Variants in CTNNA3 observed in about 807,000 individuals in gnomAD.
CTNNA3 encodes the protein catenin alpha-3.
CTNNA3 carries 76 observed loss-of-function variants against 95.7 expected under a neutral mutation model. The ratio of observed to expected loss-of-function variants is 0.79; its 90% CI spans 0.66 to 0.96. CTNNA3 has a LOEUF of 0.96. Among genes scored for constraint, CTNNA3 ranks in the 40% least tolerant of loss-of-function variants. The probability of loss-of-function intolerance (pLI) is 0.00; values close to 1 mark genes in which losing one functional copy is unlikely to be tolerated. For missense variants in CTNNA3, 1,191 were observed against 1,089.8 expected, an observed-to-expected ratio of 1.09 and a Z score of -1.31; for synonymous variants, 431 against 374.4, an observed-to-expected ratio of 1.15 and a Z score of -1.74.
In CTNNA3 at chr10:66,875,688, A is replaced by G. The variant is rs1184322678; in HGVS notation, c.1048-100164T>C. Among the ~76,000 whole-genome samples the G allele has an allele frequency of 7.2e-5, 11 of 152,306 alleles. No homozygotes were observed. The East Asian group carries it at 1.2e-3, about 16-fold the overall frequency. ...CTAATCCAATCTCACAGAGCAAAAC[A>G]TTTAAATGTCATTTGAGATATTATT... On this transcript the variant is annotated intron_variant, in intron 7 of 17. Coordinates refer to ENST00000433211, the MANE Select transcript of CTNNA3 (RefSeq NM_013266.4).
At chr10:67,030,823 G>A (rs896286952) in intron 7 of CTNNA3, among the ~76,000 whole-genome samples, 5 of 152,080 alleles carry the variant, frequency 3.3e-5, no homozygotes, top group African/African-American at 9.7e-5. Context: ...TACCAACATG[G>A]TGAAACCCCG....
chr10:66,018,871 T>G lies in CTNNA3; in HGVS notation c.2160-30074A>C, dbSNP rs142657529. On this transcript the variant is annotated intron_variant, in intron 15 of 17. Coordinates refer to ENST00000433211, the MANE Select transcript of CTNNA3 (RefSeq NM_013266.4). Reference sequence around the variant, plus strand: ...TCTTTGAAGGAAAAAAAATAGGAAGTGATAGATGATCAATCACATTCACGT... The same window carrying G: ...TCTTTGAAGGAAAAAAAATAGGAAGGGATAGATGATCAATCACATTCACGT... Among the ~76,000 whole-genome samples, 12 of 152,026 alleles carry G rather than the reference T, an allele frequency of 7.9e-5. No homozygotes were observed. The East Asian group carries it at 2.1e-3, about 27-fold the overall frequency.
At position 67,071,514 on chromosome 10, in the gene CTNNA3, T is replaced by C. The variant is rs61866246; in HGVS notation, c.1047+108803A>G. Among the ~76,000 whole-genome samples, 726 of 149,628 alleles carry C rather than the reference T, an allele frequency of 4.9e-3. 4 individuals are homozygous for C. The highest frequency in any genetic ancestry group is 0.017 in the African/African-American group (674 of 40,612). ...TAGAGCTCTTTAAAGTTTTTTTTGT[T>C]TGTTTGTTTCTTTGACTTCATTTAA... On this transcript the variant is annotated intron_variant, in intron 7 of 17. Transcript: ENST00000433211.
chr10:67,371,754 T>C (rs1436646756), intron 5 of CTNNA3, among the ~76,000 whole-genome samples: 1 of 152,200 alleles, frequency 6.6e-6, no homozygotes, highest in East Asian at 1.9e-4. Flanking sequence ...AGTAATGGGA[T>C]GGCTGGGTCA....
chr10:67,481,862 T>C (rs1288189396), intron 5 of CTNNA3, among the ~76,000 whole-genome samples: 2 of 152,124 alleles, frequency 1.3e-5, no homozygotes, highest in Admixed American at 6.5e-5. Flanking sequence ...GGTTTTCTTC[T>C]AGGGTTTTTA....
intron 13 of CTNNA3, among the ~76,000 whole-genome samples, chr10:66,141,265 T>TAAAA (rs60266091): frequency 7.4e-6 from 1 of 135,722 alleles, no homozygotes. Context: ...TGTCTCAGAT[T>TAAAA]AAAAAAAAAA....
At chr10:66,520,472 G>A (rs902888125) in intron 11 of CTNNA3, 145 bp downstream of exon 11, 8 of 594,058 alleles carry the variant, frequency 1.3e-5, no homozygotes, top group African/African-American at 9.8e-5. Flanking sequence ...GGCTGGTATC[G>A]AATCCCTGAC....
intron 2 of CTNNA3, among the ~76,000 whole-genome samples, chr10:67,619,857 A>C (rs994341093): frequency 1.3e-5 from 2 of 152,188 alleles, no homozygotes; most frequent in African/African-American, 4.8e-5. Flanking sequence ...GGGTAGCTAC[A>C]GTGTAATCTT....
chr10:65,920,693 G>A (rs2077072832), intron 17 of CTNNA3, 76 bp from the exon 18 acceptor site: 13 of 1,474,570 alleles, frequency 8.8e-6, no homozygotes, highest in Non-Finnish European at 1.1e-5. Context: ...GGGCATGGTG[G>A]CATGTGCCCG....
At chr10:67,207,369 C>T (rs911543906) in intron 6 of CTNNA3, among the ~76,000 whole-genome samples, 7 of 152,110 alleles carry the variant, frequency 4.6e-5, no homozygotes, top group Non-Finnish European at 1.0e-4. Context: ...ATCTTATGCA[C>T]TGTGGTTTGT....
intron 7 of CTNNA3, among the ~76,000 whole-genome samples, chr10:67,139,289 C>T (rs1031944480): frequency 5.5e-5 from 8 of 145,816 alleles, no homozygotes; most frequent in African/African-American, 1.3e-4. Context: ...CATGCCACCA[C>T]GCCCGGCTAA....
At chr10:67,323,121 T>C (rs1202824263) in intron 5 of CTNNA3, among the ~76,000 whole-genome samples, 1 of 152,220 alleles carries the variant, frequency 6.6e-6, no homozygotes, top group African/African-American at 2.4e-5. Flanking sequence ...ATGTTAGACC[T>C]TTGACAGATG....
chr10:67,488,422 T>C (rs1336152083), intron 5 of CTNNA3, among the ~76,000 whole-genome samples: 1 of 151,922 alleles, frequency 6.6e-6, no homozygotes, highest in Non-Finnish European at 1.5e-5. Flanking sequence ...CAGGCTGGAG[T>C]GTAGTGGCGC....
At chr10:67,745,441 T>C (rs556604294) in intron 1 of CTNNA3, among the ~76,000 whole-genome samples, 31 of 143,746 alleles carry the variant, frequency 2.2e-4, no homozygotes, top group Non-Finnish European at 4.0e-4. Flanking sequence ...TTCTCACTCA[T>C]AGTTGGGAAT....
chr10:66,126,585 C>T (rs902830288), intron 13 of CTNNA3, among the ~76,000 whole-genome samples: 5 of 151,886 alleles, frequency 3.3e-5, no homozygotes, highest in African/African-American at 9.7e-5. Flanking sequence ...GCTAATTCTA[C>T]GACTGGGAAG....
At chr10:66,711,258 C>CAAAAAAAA (rs56013857) in intron 9 of CTNNA3, among the ~76,000 whole-genome samples, 1,175 of 117,032 alleles carry the variant, frequency 0.01, 2 homozygotes, top group East Asian at 0.014. Flanking sequence ...GAACAAGAAA[C>CAAAAAAAA]AAAAAAAAAA....
intron 11 of CTNNA3, among the ~76,000 whole-genome samples, chr10:66,485,557 TA>T (rs1565008842): frequency 6.6e-6 from 1 of 152,060 alleles, no homozygotes; most frequent in East Asian, 1.9e-4. Context: ...ATCTGTTTAC[TA>T]AAAATTATAA....
intron 5 of CTNNA3, among the ~76,000 whole-genome samples, chr10:67,220,254 G>T (rs1864590031): frequency 1.3e-5 from 2 of 152,132 alleles, no homozygotes; most frequent in Non-Finnish European, 2.9e-5. Context: ...GTTGATAATT[G>T]CATTTAACCT....
At chr10:66,664,958 G>GT (rs1370545168) in intron 9 of CTNNA3, among the ~76,000 whole-genome samples, 42 of 150,060 alleles carry the variant, frequency 2.8e-4, no homozygotes, top group Non-Finnish European at 1.5e-5. Context: ...AGACATCTCT[G>GT]TTTTGTAAAG....
Sources: gnomAD v4.1 joint callset for allele counts (sites outside exome capture counted in the v4.1 genomes callset) on GRCh38, gnomAD v4.1.1 for gene constraint, MANE v1.5 for transcripts, NCBI Gene and HGNC (gene_info 2026-07-23, HGNC 2026-07-21) for gene names.